SPAST: variants seen among roughly 807,000 people sequenced by gnomAD.
The protein encoded by SPAST is spastic paraplegia 4 (autosomal dominant; spastin).
A neutral mutation model predicts 76.6 loss-of-function variants in SPAST; 30 were observed. The observed-to-expected ratio is 0.39, with a 90% CI of 0.29 to 0.53. The LOEUF (loss-of-function observed/expected upper bound fraction) is 0.53, where lower values mean the gene tolerates loss of function less well. Ranked by LOEUF, SPAST falls within the 20% of genes least tolerant of loss-of-function variation. The pLI is 0.68. For missense variants in SPAST, 717 were observed against 770.5 expected, an observed-to-expected ratio of 0.93 and a Z score of 0.82; for synonymous variants, 305 against 281.0, an observed-to-expected ratio of 1.09 and a Z score of -0.86.
chr2:32,115,676 C>G (rs1452723330), intron 5 of SPAST, 26 bp from the exon 6 acceptor site: 2 of 1,551,626 alleles, frequency 1.3e-6, no homozygotes, highest in Non-Finnish European at 1.8e-6. Context: ...GTTGTATTTT[C>G]ATATTAAAAT....
intron 1 of SPAST, among the ~76,000 whole-genome samples, chr2:32,065,265 G>A (rs1178983558): frequency 3.3e-5 from 5 of 151,976 alleles, no homozygotes; most frequent in African/African-American, 4.8e-5. Context: ...TGATCGGGTC[G>A]CCTCGGCCTC....
At chr2:32,119,210 G>A (rs778331041) in intron 7 of SPAST, among the ~76,000 whole-genome samples, 6 of 152,018 alleles carry the variant, frequency 3.9e-5, no homozygotes, top group Non-Finnish European at 5.9e-5. Context: ...TCCAAGAAAG[G>A]GAATATTATT....
intron 12 of SPAST, among the ~76,000 whole-genome samples, chr2:32,140,977 C>G (rs1196889200): frequency 6.9e-6 from 1 of 144,682 alleles, no homozygotes; most frequent in Admixed American, 7.0e-5. Context: ...GAGCCCTGTC[C>G]TGGTTTTTCC....
intron 1 of SPAST, among the ~76,000 whole-genome samples, chr2:32,072,321 G>A (rs1454479921): frequency 1.3e-5 from 2 of 152,188 alleles, no homozygotes; most frequent in African/African-American, 2.4e-5. Context: ...GGGATTACAG[G>A]CGTGAGCCAC....
intron 1 of SPAST, among the ~76,000 whole-genome samples, chr2:32,084,887 C>CAA (rs34046587): frequency 3.0e-3 from 247 of 81,170 alleles, no homozygotes; most frequent in Non-Finnish European, 4.1e-3. Context: ...GACTCCGTCT[C>CAA]AAAAAAAAAA....
chr2:32,102,107 G>A (rs1678149057), intron 4 of SPAST, among the ~76,000 whole-genome samples: 1 of 152,180 alleles, frequency 6.6e-6, no homozygotes, highest in African/African-American at 2.4e-5. Context: ...CTATCCATAA[G>A]CATGGAATGT....
chr2:32,082,717 G>C (rs1677289283), intron 1 of SPAST, among the ~76,000 whole-genome samples: 1 of 151,870 alleles, frequency 6.6e-6, no homozygotes, highest in Admixed American at 6.6e-5. Context: ...AATCAGATCT[G>C]TCCCTATGGT....
At chr2:32,066,819 C>T (rs1032688490) in intron 1 of SPAST, among the ~76,000 whole-genome samples, 1 of 151,818 alleles carries the variant, frequency 6.6e-6, no homozygotes, top group Admixed American at 6.6e-5. Context: ...GTGAAAAATA[C>T]AAAGATTAGC....
chr2:32,152,700 G>A (rs541073828), intron 16 of SPAST, among the ~76,000 whole-genome samples: 1 of 151,768 alleles, frequency 6.6e-6, no homozygotes, highest in Admixed American at 6.6e-5. Context: ...AACAAGTAGG[G>A]TTCATATAGT....
chr2:32,145,818 T>C (rs1054238014), intron 15 of SPAST, among the ~76,000 whole-genome samples: 1 of 152,214 alleles, frequency 6.6e-6, no homozygotes, highest in African/African-American at 2.4e-5. Flanking sequence ...TAGTGGATGG[T>C]TGATGCTCTC....
chr2:32,088,188 C>G (rs1677569230), intron 2 of SPAST, among the ~76,000 whole-genome samples: 1 of 151,768 alleles, frequency 6.6e-6, no homozygotes, highest in Non-Finnish European at 1.5e-5. Flanking sequence ...GTGGGCCACA[C>G]TTAGCTAATT....
At chr2:32,151,052 C>T (rs993366941) in intron 16 of SPAST, among the ~76,000 whole-genome samples, 3 of 151,680 alleles carry the variant, frequency 2.0e-5, no homozygotes, top group Admixed American at 6.6e-5. Context: ...TCAAGTGATT[C>T]TCCTGCCTCA....
intron 1 of SPAST, among the ~76,000 whole-genome samples, chr2:32,075,888 A>C (rs1676941940): frequency 7.6e-6 from 1 of 131,638 alleles, no homozygotes; most frequent in African/African-American, 2.9e-5. Context: ...TGAAAAATTC[A>C]AAATGCTCTT....
intron 3 of SPAST, among the ~76,000 whole-genome samples, chr2:32,089,820 GTGGCGTGATCT>G (rs902903006): frequency 1.3e-5 from 2 of 151,952 alleles, no homozygotes; most frequent in African/African-American, 4.8e-5. Flanking sequence ...CTGGAGTGCA[GTGGCGTGATCT>G]TGGCTCACTG....
chr2:32,074,378 G>A (rs1256187540), intron 1 of SPAST, among the ~76,000 whole-genome samples: 1 of 152,142 alleles, frequency 6.6e-6, no homozygotes, highest in African/African-American at 2.4e-5. Flanking sequence ...TTGTTCCACC[G>A]TGGTCACAGA....
At chr2:32,154,316 G>A (rs1342596023) in intron 16 of SPAST, 58 bp from the exon 17 acceptor site, 27 of 1,485,322 alleles carry the variant, frequency 1.8e-5, no homozygotes, top group South Asian at 6.8e-5. Flanking sequence ...CCATCATTTC[G>A]TTAACCACCA....
intron 4 of SPAST, among the ~76,000 whole-genome samples, chr2:32,112,203 T>G (rs1399382823): frequency 2.0e-5 from 3 of 151,782 alleles, no homozygotes; most frequent in African/African-American, 4.8e-5. Flanking sequence ...ACCACCTGCT[T>G]TGGCCTCCCA....
chr2:32,086,699 A>G (rs540268413), intron 1 of SPAST, among the ~76,000 whole-genome samples: 1 of 152,148 alleles, frequency 6.6e-6, no homozygotes, highest in South Asian at 2.1e-4. Flanking sequence ...GGGAGGTTGC[A>G]ATGAGCCGAG....
At chr2:32,121,942 CTCTTT>C (rs1679035733) in intron 7 of SPAST, among the ~76,000 whole-genome samples, 1 of 152,198 alleles carries the variant, frequency 6.6e-6, no homozygotes, top group South Asian at 2.1e-4. Context: ...AAGATTCCTC[CTCTTT>C]TCTTTTTGCC....
Sources: gnomAD v4.1 joint callset for allele counts (sites outside exome capture counted in the v4.1 genomes callset) on GRCh38, gnomAD v4.1.1 for gene constraint, MANE v1.5 for transcripts, NCBI Gene and HGNC (gene_info 2026-07-23, HGNC 2026-07-21) for gene names.